Variants in ATP1B3 observed in about 807,000 individuals in gnomAD.
ATP1B3 encodes the protein ATPase Na+/K+ transporting subunit beta 3.
ATP1B3 carries 10 observed loss-of-function variants against 30.2 expected under a neutral mutation model. The observed-to-expected ratio is 0.33, with a 90% CI of 0.20 to 0.56. The LOEUF (loss-of-function observed/expected upper bound fraction) is 0.56, where lower values mean the gene tolerates loss of function less well. Among genes scored for constraint, ATP1B3 ranks in the 20% least tolerant of loss-of-function variants. ATP1B3 has a pLI of 0.90. For missense variants in ATP1B3, 238 were observed against 336.7 expected (o/e 0.71, Z 2.29); for synonymous variants, 113 against 117.0 (o/e 0.97, Z 0.22).
chr3:141,903,855 C>T, intron 2 of ATP1B3, 107 bp downstream of exon 2: 1 of 1,306,404 alleles, frequency 7.7e-7, no homozygotes, highest in African/African-American at 1.5e-5. Context: ...GATCTTGGGT[C>T]ACTGCAACCT....
chr3:141,885,224 A>G (rs576424465), intron 1 of ATP1B3, among the ~76,000 whole-genome samples: 1 of 152,126 alleles, frequency 6.6e-6, no homozygotes, highest in Non-Finnish European at 1.5e-5. Context: ...CCATATCCCC[A>G]TTACTAGTAC....
In ATP1B3 at chr3:141,903,728, G is replaced by A. The variant is rs149675336; in HGVS notation, c.218G>A (p.Arg73His). ...QTLNDEVPKY[R>H]DQIPSPGLMV... ...CTCAACGATGAGGTTCCAAAATACCGTGACCAGATTCCTAGCCCAGGTAAT... is the reference window on the plus strand; with the variant it reads ...CTCAACGATGAGGTTCCAAAATACCATGACCAGATTCCTAGCCCAGGTAAT... Residue 73 changes from arginine to histidine, a missense_variant, in exon 2 of 7, where the codon CGT becomes CAT. Physicochemically the swap from Arg to His is conservative, Grantham distance 29 (BLOSUM62 0). This residue lies in a region of ATP1B3 where 130 missense variants were observed against 148.8 expected (regional missense o/e 0.87). Coordinates refer to ENST00000286371, the MANE Select transcript of ATP1B3 (RefSeq NM_001679.4). 265 of 1,613,742 alleles carry A rather than the reference G, an allele frequency of 1.6e-4. No individual in the cohort carries two copies. Among genetic ancestry groups the A allele is most frequent in the Non-Finnish European group, 2.1e-4 (247 of 1,179,900 alleles).
At chr3:141,894,773 TG>T (rs1466972725) in intron 1 of ATP1B3, among the ~76,000 whole-genome samples, 1 of 152,200 alleles carries the variant, frequency 6.6e-6, no homozygotes, top group Non-Finnish European at 1.5e-5. Context: ...AAGGATTGCC[TG>T]AGGCTTTTTA....
chr3:141,883,852 G>T lies in ATP1B3; in HGVS notation c.109+6942G>T, dbSNP rs374332878. ...TTTTCTTTTGTTAGAGTACTGATGG[G>T]TTTTCATGGAAGTTCAGTGTTCAAA... On this transcript the variant is annotated intron_variant, in intron 1 of 6. Coordinates refer to ENST00000286371, the MANE Select transcript of ATP1B3 (RefSeq NM_001679.4). 1.1e-4 allele frequency among the ~76,000 whole-genome samples: 17 copies of T among 152,206 alleles called. No homozygotes were observed. In the East Asian group the frequency reaches 2.3e-3, roughly 21 times the overall value.
intron 1 of ATP1B3, among the ~76,000 whole-genome samples, chr3:141,894,469 T>C (rs1934021652): frequency 6.6e-6 from 1 of 152,176 alleles, no homozygotes; most frequent in Non-Finnish European, 1.5e-5. Context: ...CTTTATATAC[T>C]TTTAATAACA....
At chr3:141,894,938 T>A (rs1577961403) in intron 1 of ATP1B3, among the ~76,000 whole-genome samples, 1 of 152,110 alleles carries the variant, frequency 6.6e-6, no homozygotes, top group African/African-American at 2.4e-5. Flanking sequence ...GACTGGTAGG[T>A]TTGTTTATAC....
chr3:141,922,626 T>A (rs532891883), intron 6 of ATP1B3, among the ~76,000 whole-genome samples: 1 of 150,406 alleles, frequency 6.6e-6, no homozygotes, highest in Non-Finnish European at 1.5e-5. Context: ...ACACTCCAGG[T>A]TGGGTGACAG....
At chr3:141,902,009 C>T in intron 1 of ATP1B3, 1 of 632,700 alleles carries the variant, frequency 1.6e-6, no homozygotes, top group Non-Finnish European at 2.5e-6. Context: ...CCTGCAGACA[C>T]CTAGATCTCA....
intron 1 of ATP1B3, among the ~76,000 whole-genome samples, chr3:141,896,262 A>G (rs1028035628): frequency 6.6e-5 from 10 of 152,068 alleles, no homozygotes; most frequent in Non-Finnish European, 1.5e-5. Context: ...TGAAGTCAGG[A>G]ATTCAAGAAC....
At chr3:141,892,651 C>CAAAAAA (rs386398103) in intron 1 of ATP1B3, among the ~76,000 whole-genome samples, 4 of 70,022 alleles carry the variant, frequency 5.7e-5, no homozygotes, top group Non-Finnish European at 7.7e-5. Context: ...GAGACTGTCT[C>CAAAAAA]AAAAAAAAAA....
Position 141,917,105 on chromosome 3 carries a change from G to A in ATP1B3, c.582+1085G>A, listed in dbSNP as rs1385291032. Among the ~76,000 whole-genome samples, 8 of 149,974 alleles carry A rather than the reference G, an allele frequency of 5.3e-5. No homozygotes were observed. In the East Asian group the frequency reaches 7.9e-4, roughly 15 times the overall value. The stretch of plus-strand genomic sequence containing the variant: ...CCTGACCTCGTGATCTGCCCGCCTC[G>A]GCCTCTCAAAGTGCTGGGATTACAG... On this transcript the variant is annotated intron_variant, in intron 5 of 6. Transcript: ENST00000286371.
chr3:141,911,137 CCT>C (rs1478778011), intron 3 of ATP1B3, among the ~76,000 whole-genome samples: 2 of 151,980 alleles, frequency 1.3e-5, no homozygotes, highest in Admixed American at 6.6e-5. Flanking sequence ...GGGGAATTAT[CCT>C]CTGTTACCAC....
chr3:141,905,352 C>A (rs907686315), intron 2 of ATP1B3, among the ~76,000 whole-genome samples: 2 of 152,102 alleles, frequency 1.3e-5, no homozygotes, highest in African/African-American at 4.8e-5. Context: ...AGAGGTGGTA[C>A]TGTGAATAGA....
intron 2 of ATP1B3, among the ~76,000 whole-genome samples, chr3:141,904,113 T>C (rs1419376631): frequency 3.3e-5 from 5 of 152,218 alleles, no homozygotes. Flanking sequence ...AAAATTGAGT[T>C]ATAGTTTATC....
chr3:141,895,677 C>T (rs1934052409), intron 1 of ATP1B3, among the ~76,000 whole-genome samples: 2 of 152,168 alleles, frequency 1.3e-5, no homozygotes, highest in South Asian at 2.1e-4. Flanking sequence ...TCACATTTCC[C>T]TACTGTGTGA....
intron 3 of ATP1B3, among the ~76,000 whole-genome samples, chr3:141,907,774 C>A (rs1348117455): frequency 6.6e-6 from 1 of 152,046 alleles, no homozygotes; most frequent in Non-Finnish European, 1.5e-5. Flanking sequence ...TGAGACTGTT[C>A]TAACTATAGA....
intron 3 of ATP1B3, among the ~76,000 whole-genome samples, chr3:141,911,605 A>C (rs1369611756): frequency 1.3e-5 from 2 of 151,112 alleles, no homozygotes; most frequent in Non-Finnish European, 2.9e-5. Context: ...AGCGACCCTC[A>C]TGCCTCAGCC....
intron 2 of ATP1B3, among the ~76,000 whole-genome samples, chr3:141,904,790 A>T (rs1576396066): frequency 7.2e-6 from 1 of 139,084 alleles, no homozygotes; most frequent in East Asian, 2.1e-4. Context: ...GCTCACTGCA[A>T]CCTCTGCCTC....
At chr3:141,897,224 A>G (rs1163990396) in intron 1 of ATP1B3, among the ~76,000 whole-genome samples, 1 of 151,964 alleles carries the variant, frequency 6.6e-6, no homozygotes, top group African/African-American at 2.4e-5. Context: ...CCTCCTCTCC[A>G]TCTTTGGTGA....
Sources: allele counts gnomAD v4.1 joint callset (sites outside exome capture counted in the v4.1 genomes callset), GRCh38; gene constraint gnomAD v4.1.1; regional missense constraint gnomAD v4.1.1; transcripts MANE v1.5; gene names NCBI Gene and HGNC (gene_info 2026-07-23, HGNC 2026-07-21).